Variants in HIPK2 observed in about 807,000 individuals in gnomAD.
HIPK2 encodes homeodomain-interacting protein kinase 2.
Under a neutral mutation model 113.7 loss-of-function variants are expected in HIPK2, and 27 were observed. The ratio of observed to expected loss-of-function variants is 0.24; its 90% CI spans 0.17 to 0.33. HIPK2 has a LOEUF of 0.33. HIPK2 is among the 10% of genes least tolerant of loss of function. The pLI is 1.00. For missense variants in HIPK2, 1,257 were observed against 1,588.0 expected (o/e 0.79, Z 3.54); for synonymous variants, 631 against 642.2 (o/e 0.98, Z 0.26).
At chr7:139,680,305 T>A (rs967467104) in intron 2 of HIPK2, among the ~76,000 whole-genome samples, 4 of 152,128 alleles carry the variant, frequency 2.6e-5, no homozygotes, top group Non-Finnish European at 5.9e-5. Context: ...ATTAACACCC[T>A]CCCCACAGCG....
At chr7:139,579,963 G>A (rs79111366) in intron 13 of HIPK2, among the ~76,000 whole-genome samples, 12,731 of 152,176 alleles carry the variant, frequency 0.084, 616 homozygotes, top group Middle Eastern at 0.11. Context: ...AGGGCCTTGC[G>A]ACCCAACACT....
At chr7:139,728,424 G>T (rs1476439812) in intron 1 of HIPK2, among the ~76,000 whole-genome samples, 13 of 152,190 alleles carry the variant, frequency 8.5e-5, no homozygotes, top group Non-Finnish European at 1.8e-4. Flanking sequence ...CCTTCTGAGG[G>T]CTGGAAGGGA....
chr7:139,747,115 GC>G (rs1390674097), intron 1 of HIPK2, among the ~76,000 whole-genome samples: 4 of 152,084 alleles, frequency 2.6e-5, no homozygotes, highest in African/African-American at 9.7e-5. Flanking sequence ...ACCAAATACT[GC>G]CCAGTTGGGG....
chr7:139,669,804 GGTTT>G (rs1233327265), intron 2 of HIPK2, among the ~76,000 whole-genome samples: 1 of 152,176 alleles, frequency 6.6e-6, no homozygotes, highest in African/African-American at 2.4e-5. Flanking sequence ...GTGTGAGTGT[GGTTT>G]TTTTAGGAAA....
rs1798044277 is a variant in HIPK2, at chr7:139,564,749, A to G, written c.*8178T>C. ...ACAGAACTTTTCTTTAAAAAGTACC[A>G]GTCTAAATGTAAACTATAAAACACT... On this transcript the variant is annotated 3_prime_UTR_variant, in exon 15 of 15. Coordinates refer to ENST00000406875, the MANE Select transcript of HIPK2 (RefSeq NM_022740.5). The G allele has an allele frequency of 6.6e-6, 1 of 152,264 alleles. No homozygotes were observed. The highest frequency in any genetic ancestry group is 1.5e-5 in the Non-Finnish European group (1 of 68,044). The allele number at this position is 152,264 out of a possible 1,614,324, so 9.4% of individuals were successfully genotyped here.
intron 1 of HIPK2, among the ~76,000 whole-genome samples, chr7:139,731,636 C>T (rs564468132): frequency 6.6e-6 from 1 of 152,324 alleles, no homozygotes; most frequent in African/African-American, 2.4e-5. Context: ...CTCTCACAGG[C>T]TGTTCTCTAA....
In HIPK2 at chr7:139,565,853, G is replaced by A. The variant is rs889998048; in HGVS notation, c.*7074C>T. 2.0e-5 allele frequency: 3 copies of A among 151,882 alleles called. No homozygotes were observed. The highest frequency in any genetic ancestry group is 2.9e-5 in the Non-Finnish European group (2 of 67,992). The allele number at this position is 151,882 out of a possible 1,614,324, so 9.4% of individuals were successfully genotyped here. A position where few individuals can be genotyped will look rare whatever the true frequency, so the allele number is the denominator to read the frequency against. On this transcript the variant is annotated 3_prime_UTR_variant, in exon 15 of 15. Coordinates refer to ENST00000406875, the MANE Select transcript of HIPK2 (RefSeq NM_022740.5). ...GAGTGAATCTATTACAGAGATCAGA[G>A]CTGTCAGGATAATTATCAAGTGCAG...
intron 2 of HIPK2, among the ~76,000 whole-genome samples, chr7:139,634,987 G>A: frequency 6.6e-6 from 1 of 152,136 alleles, no homozygotes; most frequent in Admixed American, 6.5e-5. Context: ...CAGAAAAGAA[G>A]GGAATATCTG....
chr7:139,618,412 T>C (rs1280387314), intron 7 of HIPK2, among the ~76,000 whole-genome samples: 1 of 152,054 alleles, frequency 6.6e-6, no homozygotes, highest in African/African-American at 2.4e-5. Flanking sequence ...CTTGGACCCT[T>C]TGCTTTTGTG....
chr7:139,584,647 G>A (rs1490765475), intron 12 of HIPK2, among the ~76,000 whole-genome samples: 3 of 152,240 alleles, frequency 2.0e-5, no homozygotes, highest in African/African-American at 4.8e-5. Flanking sequence ...TGCAGAGAAC[G>A]CAGAGCTAGA....
At position 139,683,851 on chromosome 7, in the gene HIPK2, T is replaced by C. The variant is rs776609161; in HGVS notation, c.1103+32081A>G. Among the ~76,000 whole-genome samples, 15 of 152,086 alleles carry C rather than the reference T, an allele frequency of 9.9e-5. No individual in the cohort carries two copies. Among genetic ancestry groups the C allele is most frequent in the Non-Finnish European group, 1.9e-4 (13 of 68,014 alleles). On this transcript the variant is annotated intron_variant, in intron 2 of 14. Transcript: ENST00000406875. The surrounding 1 kb of genome is among the most constrained non-coding windows in gnomAD (Gnocchi z 4.2). Reference sequence around the variant, plus strand: ...GAAGGGCTACAAATACTTTAGAAAATAGTTTTAAACACTGAATGGGCTTGG... The same window carrying C: ...GAAGGGCTACAAATACTTTAGAAAACAGTTTTAAACACTGAATGGGCTTGG...
intron 6 of HIPK2, among the ~76,000 whole-genome samples, chr7:139,622,611 G>C (rs571768243): frequency 6.6e-6 from 1 of 152,272 alleles, no homozygotes; most frequent in African/African-American, 2.4e-5. Flanking sequence ...ATGGAGAAAG[G>C]AGTGGGGTCT....
chr7:139,596,986 G>A lies in HIPK2; in HGVS notation c.2448C>T (p.Thr816=), dbSNP rs1325811169. ...QHQSSVRNVS[T]CEVSSSQAIS... ...TGGCCTGAGAGGAGGACACCTCACAGGTGGAGACATTTCTGTAATGAGAAA... is the reference window on the plus strand; with the variant it reads ...TGGCCTGAGAGGAGGACACCTCACAAGTGGAGACATTTCTGTAATGAGAAA... The change falls in exon 12 of 15, where the codon ACC becomes ACT. Residue 816 remains threonine, a synonymous_variant. Coordinates refer to ENST00000406875, the MANE Select transcript of HIPK2 (RefSeq NM_022740.5). 1.9e-6 allele frequency: 3 copies of A among 1,592,650 alleles called. No individual in the cohort carries two copies. The highest frequency in any genetic ancestry group is 2.6e-6 in the Non-Finnish European group (3 of 1,162,808).
intron 2 of HIPK2, among the ~76,000 whole-genome samples, chr7:139,708,887 C>T (rs1017630890): frequency 1.4e-4 from 22 of 152,058 alleles, no homozygotes; most frequent in African/African-American, 3.9e-4. Flanking sequence ...TAAACTGTGT[C>T]GCCTGAGTCT....
In HIPK2 at chr7:139,653,952, C is replaced by T. The variant is rs553590761; in HGVS notation, c.1104-22227G>A. Among the ~76,000 whole-genome samples the T allele has an allele frequency of 2.3e-3, 354 of 152,212 alleles. 1 individual carries two copies. Among genetic ancestry groups the T allele is most frequent in the African/African-American group, 7.8e-3 (324 of 41,550 alleles). On this transcript the variant is annotated intron_variant, in intron 2 of 14. Transcript: ENST00000406875. ...TTCACCATCTTTGCCAGGCTGGTCT[C>T]AAACTCCTGACCTCAAGTGATCTGC...
intron 1 of HIPK2, among the ~76,000 whole-genome samples, chr7:139,770,356 A>C (rs532964234): frequency 6.6e-6 from 1 of 152,368 alleles, no homozygotes; most frequent in East Asian, 1.9e-4. Context: ...ATCCAGGCAC[A>C]AACACCATTA....
At chr7:139,600,731 A>T in intron 10 of HIPK2, 135 bp from the exon 11 acceptor site, 6 of 977,514 alleles carry the variant, frequency 6.1e-6, no homozygotes, top group Non-Finnish European at 9.0e-6. Flanking sequence ...TGCTGAAGGG[A>T]TGAGCCTGGC....
At chr7:139,636,717 T>C (rs1331317694) in intron 2 of HIPK2, among the ~76,000 whole-genome samples, 2 of 152,178 alleles carry the variant, frequency 1.3e-5, no homozygotes, top group East Asian at 1.9e-4. Context: ...TGATTTTGGA[T>C]GTCTTTTGTT....
rs544511456 is a variant in HIPK2 at position 139,601,744 on chromosome 7, T to C, written c.2256-1148A>G. Among the ~76,000 whole-genome samples, 10 of 152,284 alleles carry C rather than the reference T, an allele frequency of 6.6e-5. No individual in the cohort carries two copies. The South Asian group carries it at 1.9e-3, about 28-fold the overall frequency. On this transcript the variant is annotated intron_variant, in intron 10 of 14. Coordinates refer to ENST00000406875, the MANE Select transcript of HIPK2 (RefSeq NM_022740.5). ...TTAAAGGTGGTGACTGACTCAGAGA[T>C]TGGCCCATAAGAGCTCATTTAACAC...
Sources: allele counts gnomAD v4.1 joint callset (sites outside exome capture counted in the v4.1 genomes callset), GRCh38; gene constraint gnomAD v4.1.1; non-coding constraint Gnocchi (gnomAD v3.1); transcripts MANE v1.5; gene names NCBI Gene and HGNC (gene_info 2026-07-23, HGNC 2026-07-21).